The following CAST variants were observed in gnomAD, a reference collection of about 807,000 sequenced individuals.
CAST encodes the protein MIR583 host.
CAST carries 76 observed loss-of-function variants against 119.6 expected under a neutral mutation model. That is an observed-to-expected ratio of 0.64 (90% CI 0.53 to 0.77). The LOEUF is 0.77. CAST is among the 30% of genes least tolerant of loss of function. CAST has a pLI of 0.00. For synonymous variants in CAST, 319 were observed against 331.6 expected (o/e 0.96, Z 0.41); for missense variants, 953 against 946.5 (o/e 1.01, Z -0.09).
chr5:96,170,733 G>A, the CAST span, among the ~76,000 whole-genome samples: 1 of 152,122 alleles, frequency 6.6e-6, no homozygotes, highest in Admixed American at 6.5e-5. Context: ...GAGCCTAAAC[G>A]CTAACTGATT....
the CAST span, among the ~76,000 whole-genome samples, chr5:96,271,007 AAATG>A: frequency 7.4e-6 from 1 of 135,078 alleles, no homozygotes; most frequent in Non-Finnish European, 1.7e-5. Flanking sequence ...TATTTAAAAA[AAATG>A]AAGAAAGCAA....
At chr5:96,667,503 C>T (rs1749493867) in intron 1 of CAST, among the ~76,000 whole-genome samples, 1 of 152,180 alleles carries the variant, frequency 6.6e-6, no homozygotes, top group Non-Finnish European at 1.5e-5. Flanking sequence ...TCAGGTGAAT[C>T]CCAGGAGCTA....
chr5:96,569,726 T>C (rs990479456), intron 1 of CAST, among the ~76,000 whole-genome samples: 4 of 152,350 alleles, frequency 2.6e-5, no homozygotes, highest in Non-Finnish European at 5.9e-5. Flanking sequence ...AAGTCATCCA[T>C]AGCGACAACA....
At chr5:95,966,210 T>C in the CAST span, among the ~76,000 whole-genome samples, 2 of 152,110 alleles carry the variant, frequency 1.3e-5, no homozygotes. Flanking sequence ...TTGTGTATTT[T>C]TATGGGGGTA....
the CAST span, among the ~76,000 whole-genome samples, chr5:96,397,987 T>C: frequency 6.6e-6 from 1 of 152,188 alleles, no homozygotes; most frequent in East Asian, 1.9e-4. Flanking sequence ...GATATATTAA[T>C]TTAACAATCT....
chr5:96,534,367 A>G (rs1238292507), intron 1 of CAST, among the ~76,000 whole-genome samples: 1 of 151,578 alleles, frequency 6.6e-6, no homozygotes, highest in African/African-American at 2.4e-5. Flanking sequence ...CCTTTAAGAA[A>G]CCGTTACTTG....
the CAST span, among the ~76,000 whole-genome samples, chr5:96,016,712 A>C: frequency 6.6e-6 from 1 of 151,950 alleles, no homozygotes; most frequent in Admixed American, 6.6e-5. Context: ...AACTTTGGTC[A>C]GTGTTGCTGT....
intron 1 of CAST, among the ~76,000 whole-genome samples, chr5:96,568,995 G>A (rs933787337): frequency 2.0e-5 from 3 of 152,162 alleles, no homozygotes; most frequent in Admixed American, 2.0e-4. Flanking sequence ...GCTCTGCTCA[G>A]ACCAACTCTT....
intron 1 of CAST, among the ~76,000 whole-genome samples, chr5:96,599,768 C>T (rs1747112562): frequency 6.6e-6 from 1 of 152,052 alleles, no homozygotes; most frequent in Admixed American, 6.6e-5. Context: ...TAAGCTACAG[C>T]AAATTTGAAA....
At chr5:96,365,863 C>A in the CAST span, among the ~76,000 whole-genome samples, 1 of 152,174 alleles carries the variant, frequency 6.6e-6, no homozygotes, top group African/African-American at 2.4e-5. Context: ...TTGATCCTGT[C>A]ATTATGATGT....
the CAST span, among the ~76,000 whole-genome samples, chr5:96,203,102 T>C: frequency 2.6e-5 from 4 of 152,042 alleles, no homozygotes; most frequent in Non-Finnish European, 5.9e-5. Flanking sequence ...TAGGTGTATA[T>C]GTGACTGTGT....
the CAST span, among the ~76,000 whole-genome samples, chr5:96,376,064 T>TC: frequency 6.6e-6 from 1 of 151,426 alleles, no homozygotes; most frequent in Non-Finnish European, 1.5e-5. Context: ...TACTCATTTT[T>TC]TTTTCTTTTC....
the CAST span, among the ~76,000 whole-genome samples, chr5:96,417,009 C>A: frequency 4.6e-5 from 7 of 152,284 alleles, no homozygotes; most frequent in Admixed American, 1.3e-4. Context: ...ATTGTGGAAA[C>A]AACCTGTAAG....
chr5:96,469,800 G>A, the CAST span, among the ~76,000 whole-genome samples: 1 of 150,008 alleles, frequency 6.7e-6, no homozygotes, highest in Non-Finnish European at 1.5e-5. Flanking sequence ...GGAGAAGAGA[G>A]AGAGAGGGAG....
the CAST span, among the ~76,000 whole-genome samples, chr5:96,419,414 CCTCTCT>C: frequency 1.5e-5 from 2 of 129,124 alleles, no homozygotes; most frequent in Admixed American, 7.7e-5. Context: ...TCACTTAATA[CCTCTCT>C]CTCTCTCTCT....
the CAST span, among the ~76,000 whole-genome samples, chr5:96,383,673 C>T: frequency 6.6e-6 from 1 of 152,176 alleles, no homozygotes; most frequent in Non-Finnish European, 1.5e-5. Flanking sequence ...GTCTTGATCT[C>T]CTGACCTCGT....
At chr5:96,283,885 T>C in the CAST span, among the ~76,000 whole-genome samples, 78 of 152,318 alleles carry the variant, frequency 5.1e-4, no homozygotes, top group African/African-American at 1.8e-3. Context: ...CAGGATTTAT[T>C]TTTATGGTCT....
At chr5:95,998,158 C>T in the CAST span, among the ~76,000 whole-genome samples, 1 of 151,468 alleles carries the variant, frequency 6.6e-6, no homozygotes, top group African/African-American at 2.4e-5. Flanking sequence ...TATTTTACAT[C>T]TCATAAAATT....
chr5:96,258,078 G>GA, the CAST span, among the ~76,000 whole-genome samples: 16 of 149,122 alleles, frequency 1.1e-4, no homozygotes, highest in South Asian at 2.1e-4. Context: ...TCATTTTTTT[G>GA]AAAAAAAAAG....
Sources: allele counts gnomAD v4.1 joint callset (sites outside exome capture counted in the v4.1 genomes callset), GRCh38; gene constraint gnomAD v4.1.1; transcripts MANE v1.5; gene names NCBI Gene and HGNC (gene_info 2026-07-23, HGNC 2026-07-21).